The following TRAPPC11 variants were observed in gnomAD, a reference collection of about 807,000 sequenced individuals.
The protein encoded by TRAPPC11 is trafficking protein particle complex subunit 11.
In TRAPPC11, 104 loss-of-function variants were observed where a neutral mutation model predicts 151.2. That is an observed-to-expected ratio of 0.69 (90% CI 0.59 to 0.81). TRAPPC11 has a LOEUF of 0.81. Among genes scored for constraint, TRAPPC11 ranks in the 30% least tolerant of loss-of-function variants. The pLI, the probability that TRAPPC11 is intolerant of heterozygous loss-of-function variation, is 0.00. For missense variants in TRAPPC11, 1,230 were observed against 1,349.6 expected (o/e 0.91, Z 1.39); for synonymous variants, 456 against 472.3 (o/e 0.97, Z 0.45).
intron 19 of TRAPPC11, among the ~76,000 whole-genome samples, chr4:183,692,373 A>T (rs1009177303): frequency 3.2e-4 from 43 of 133,550 alleles, no homozygotes; most frequent in African/African-American, 1.2e-3. Flanking sequence ...TATTCATTAA[A>T]AAAAAAAAAA....
chr4:183,689,146 C>T (rs1173908018), intron 18 of TRAPPC11, among the ~76,000 whole-genome samples: 1 of 152,082 alleles, frequency 6.6e-6, no homozygotes, highest in Non-Finnish European at 1.5e-5. Context: ...CAATTAGAGG[C>T]TCTTTATATT....
chr4:183,677,674 C>A, intron 8 of TRAPPC11, 120 bp downstream of exon 8: 1 of 645,336 alleles, frequency 1.5e-6, no homozygotes, highest in Non-Finnish European at 2.7e-6. Flanking sequence ...TAATTATGAT[C>A]TCCCCTTTTA....
chr4:183,669,501 C>G (rs1268704838), intron 5 of TRAPPC11, among the ~76,000 whole-genome samples: 1 of 152,202 alleles, frequency 6.6e-6, no homozygotes, highest in Admixed American at 6.5e-5. Context: ...CTCTCCTTTT[C>G]TGGGCTCTCT....
chr4:183,693,245 G>A lies in TRAPPC11; in HGVS notation c.2237+98G>A, dbSNP rs774692317. Reference sequence around the variant, plus strand: ...GTCTCTCTCTTGTCCAGGCTGGAGTGCAGTGGTGTGATCACGACTCACTGT... The same window carrying A: ...GTCTCTCTCTTGTCCAGGCTGGAGTACAGTGGTGTGATCACGACTCACTGT... On this transcript the variant is annotated intron_variant, in intron 20 of 29. Coordinates refer to ENST00000334690, the MANE Select transcript of TRAPPC11 (RefSeq NM_021942.6). The A allele has an allele frequency of 2.0e-5, 23 of 1,179,378 alleles. No individual in the cohort carries two copies. The South Asian group carries it at 2.8e-4, about 14-fold the overall frequency. 73.1% of individuals were successfully genotyped at this position (1,179,378 alleles called of 1,614,324 possible).
At chr4:183,692,723 C>A (rs1293696250) in intron 19 of TRAPPC11, among the ~76,000 whole-genome samples, 1 of 152,128 alleles carries the variant, frequency 6.6e-6, no homozygotes, top group Non-Finnish European at 1.5e-5. Flanking sequence ...AGCCTGTCAA[C>A]AGAAAGTCAG....
chr4:183,664,778 A>G (rs1474468445), intron 2 of TRAPPC11, among the ~76,000 whole-genome samples: 2 of 152,116 alleles, frequency 1.3e-5, no homozygotes, highest in South Asian at 2.1e-4. Context: ...TTTGAAAGTT[A>G]GGTGATAAAA....
At chr4:183,698,024 G>A (rs1424863561) in intron 25 of TRAPPC11, among the ~76,000 whole-genome samples, 189 bp downstream of exon 25, 1 of 152,142 alleles carries the variant, frequency 6.6e-6, no homozygotes, top group Non-Finnish European at 1.5e-5. Context: ...CCATTTGCTT[G>A]AGTATACCTG....
chr4:183,661,572 C>T (rs1443534975), intron 1 of TRAPPC11, among the ~76,000 whole-genome samples: 7 of 151,648 alleles, frequency 4.6e-5, no homozygotes, highest in African/African-American at 1.4e-4. Context: ...GGGGTTTCAC[C>T]ATGTTAGCCA....
intron 1 of TRAPPC11, among the ~76,000 whole-genome samples, chr4:183,662,544 T>C (rs1295910901): frequency 6.6e-6 from 1 of 152,132 alleles, no homozygotes; most frequent in Non-Finnish European, 1.5e-5. Context: ...CCGAGAGGTT[T>C]CCATTCATTG....
chr4:183,675,034 G>T (rs2111331749), intron 6 of TRAPPC11, 130 bp from the exon 7 acceptor site: 1 of 566,208 alleles, frequency 1.8e-6, no homozygotes, highest in East Asian at 3.4e-5. Flanking sequence ...GCCTTTATTT[G>T]TGGGAATAAT....
At chr4:183,667,913 T>A (rs891410746) in intron 4 of TRAPPC11, 90 bp from the exon 5 acceptor site, 2 of 943,344 alleles carry the variant, frequency 2.1e-6, no homozygotes, top group Non-Finnish European at 3.4e-6. Context: ...TTATTCCTAA[T>A]TCTATTTTTT....
chr4:183,694,290 C>G (rs1736416234), intron 22 of TRAPPC11, among the ~76,000 whole-genome samples: 1 of 152,118 alleles, frequency 6.6e-6, no homozygotes, highest in Non-Finnish European at 1.5e-5. Context: ...TTGTTTGTAA[C>G]TTAGTGCAGT....
intron 8 of TRAPPC11, among the ~76,000 whole-genome samples, chr4:183,677,923 A>G (rs1236153340): frequency 1.3e-5 from 2 of 148,898 alleles, no homozygotes; most frequent in African/African-American, 2.5e-5. Flanking sequence ...AGAAGTGTCT[A>G]TTCACCTTAG....
At chr4:183,707,440 C>A (rs746273347) in intron 28 of TRAPPC11, among the ~76,000 whole-genome samples, 1 of 151,904 alleles carries the variant, frequency 6.6e-6, no homozygotes, top group Non-Finnish European at 1.5e-5. Context: ...TTTATTTGTT[C>A]AGTCAAATCA....
At chr4:183,661,609 G>GATCC (rs1734547430) in intron 1 of TRAPPC11, among the ~76,000 whole-genome samples, 1 of 151,744 alleles carries the variant, frequency 6.6e-6, no homozygotes, top group East Asian at 1.9e-4. Context: ...CTGACCTTGT[G>GATCC]ATCCGCCCGC....
chr4:183,678,656 T>C (rs948650485), intron 8 of TRAPPC11, among the ~76,000 whole-genome samples: 1 of 152,234 alleles, frequency 6.6e-6, no homozygotes, highest in Non-Finnish European at 1.5e-5. Flanking sequence ...CACATACTTA[T>C]CTGTGTGTAG....
Position 183,669,007 on chromosome 4 carries a change from G to C in TRAPPC11, c.560+890G>C, listed in dbSNP as rs554021328. On this transcript the variant is annotated intron_variant, in intron 5 of 29. Transcript: ENST00000334690. The stretch of plus-strand genomic sequence containing the variant: ...CCTCTGAAAATGATCCGCTGCAGGA[G>C]GTTACCTGGCCTTCTCACTGGTATA... Among the ~76,000 whole-genome samples the C allele has an allele frequency of 2.3e-3, 351 of 152,246 alleles. 6 individuals carry two copies. Among genetic ancestry groups the C allele is most frequent in the South Asian group, 9.3e-3 (45 of 4,826 alleles).
In TRAPPC11 at chr4:183,708,559, C is replaced by G. The variant is rs368766677; in HGVS notation, c.3342C>G (p.Thr1114=). 12 of 1,613,616 alleles carry G rather than the reference C, an allele frequency of 7.4e-6. No individual in the cohort carries two copies. Among genetic ancestry groups the G allele is most frequent in the African/African-American group, 1.3e-5 (1 of 74,906 alleles). Residue 1114 remains threonine (T), a synonymous_variant, in exon 29 of 30, where the codon ACC becomes ACG. Transcript: ENST00000334690. ...TNQLLRRFIP[T]SIFVKPQGRL... ...AGCTGCTCAGGCGTTTTATACCTAC[C>G]AGTATTTTTGTCAAGGTAAAGCTTA... is the stretch of plus-strand genomic sequence containing the variant.
intron 5 of TRAPPC11, among the ~76,000 whole-genome samples, chr4:183,670,359 G>A (rs938557920): frequency 6.6e-6 from 1 of 152,218 alleles, no homozygotes; most frequent in African/African-American, 2.4e-5. Context: ...CCAAGTTAAT[G>A]ATTCGAGTAA....
Sources: gnomAD v4.1 joint callset for allele counts (sites outside exome capture counted in the v4.1 genomes callset) on GRCh38, gnomAD v4.1.1 for gene constraint, MANE v1.5 for transcripts, NCBI Gene and HGNC (gene_info 2026-07-23, HGNC 2026-07-21) for gene names.